Variants in TNIK observed in about 807,000 individuals in gnomAD.
The protein encoded by TNIK is TRAF2 and NCK interacting kinase.
A neutral mutation model predicts 191.3 loss-of-function variants in TNIK; 49 were observed. That is an observed-to-expected ratio of 0.26 (90% confidence interval 0.20 to 0.32). TNIK has a LOEUF of 0.32. Among genes scored for constraint, TNIK ranks in the 10% least tolerant of loss-of-function variants. The pLI is 1.00. For synonymous variants in TNIK, 594 were observed against 600.9 expected (o/e 0.99, Z 0.17); for missense variants, 1,155 against 1,702.3 (o/e 0.68, Z 5.66).
intron 22 of TNIK, among the ~76,000 whole-genome samples, chr3:171,100,327 T>C (rs1723290234): frequency 6.6e-6 from 1 of 152,320 alleles, no homozygotes; most frequent in Middle Eastern, 3.4e-3. Context: ...AACTGGGTCA[T>C]CAACAGCAAA....
intron 1 of TNIK, among the ~76,000 whole-genome samples, chr3:171,403,811 C>T (rs963614509): frequency 5.3e-5 from 8 of 152,144 alleles, no homozygotes; most frequent in Admixed American, 4.6e-4. Flanking sequence ...ATTTCTAAAC[C>T]ATGTGAAAGT....
At chr3:171,362,395 G>A (rs1471892784) in intron 2 of TNIK, among the ~76,000 whole-genome samples, 2 of 151,336 alleles carry the variant, frequency 1.3e-5, no homozygotes, top group Non-Finnish European at 1.5e-5. Flanking sequence ...TACTTTTAAT[G>A]GCAAAAACCA....
chr3:171,134,501 C>T (rs1056508695), intron 15 of TNIK, among the ~76,000 whole-genome samples: 3 of 152,150 alleles, frequency 2.0e-5, no homozygotes, highest in African/African-American at 7.2e-5. Context: ...AGGCTGGTCT[C>T]TAACTACTCC....
chr3:171,399,518 C>G (rs186088846), intron 1 of TNIK, among the ~76,000 whole-genome samples: 5 of 152,080 alleles, frequency 3.3e-5, no homozygotes, highest in Admixed American at 3.3e-4. Flanking sequence ...TATAAGAGTA[C>G]AAATAGGAAA....
chr3:171,167,850 CT>C (rs1207700360), intron 9 of TNIK, among the ~76,000 whole-genome samples: 3 of 152,156 alleles, frequency 2.0e-5, no homozygotes, highest in African/African-American at 4.8e-5. Context: ...ATGAAGTGAA[CT>C]TTGATTAGGC....
intron 1 of TNIK, among the ~76,000 whole-genome samples, chr3:171,381,778 T>C (rs1718059471): frequency 6.6e-6 from 1 of 152,216 alleles, no homozygotes; most frequent in Non-Finnish European, 1.5e-5. Flanking sequence ...GGAGCTGACT[T>C]AGCTGGGAGA....
At chr3:171,194,353 AC>A (rs1738404432) in intron 5 of TNIK, among the ~76,000 whole-genome samples, 171 bp downstream of exon 5, 1 of 152,154 alleles carries the variant, frequency 6.6e-6, no homozygotes, top group Non-Finnish European at 1.5e-5. Context: ...GCAGACCTTC[AC>A]ACCAAACTAC....
intron 2 of TNIK, among the ~76,000 whole-genome samples, chr3:171,290,955 C>CA (rs1161774452): frequency 1.3e-5 from 2 of 152,166 alleles, no homozygotes; most frequent in African/African-American, 4.8e-5. Context: ...TTACCCATAC[C>CA]ATAAACACTC....
intron 30 of TNIK, among the ~76,000 whole-genome samples, chr3:171,068,199 C>T (rs2108311004): frequency 6.6e-6 from 1 of 152,186 alleles, no homozygotes; most frequent in East Asian, 1.9e-4. Flanking sequence ...TATTTTAGGG[C>T]TAATAAGAAG....
intron 1 of TNIK, among the ~76,000 whole-genome samples, chr3:171,456,646 T>C (rs987786974): frequency 6.6e-6 from 1 of 152,084 alleles, no homozygotes; most frequent in African/African-American, 2.4e-5. Flanking sequence ...GCCTGCAGAG[T>C]AGGCATTGAA....
intron 13 of TNIK, 74 bp from the exon 14 acceptor site, chr3:171,139,630 A>AC: frequency 6.9e-7 from 1 of 1,444,536 alleles, no homozygotes; most frequent in South Asian, 1.1e-5. Flanking sequence ...TTCAAAGGCG[A>AC]CAAGAGCCGC....
chr3:171,161,130 G>T, intron 11 of TNIK, 140 bp downstream of exon 11: 1 of 708,768 alleles, frequency 1.4e-6, no homozygotes, highest in South Asian at 2.6e-5. Flanking sequence ...AAATTAATGA[G>T]TATGTTCATG....
intron 2 of TNIK, among the ~76,000 whole-genome samples, chr3:171,355,215 G>T (rs1296641724): frequency 6.6e-6 from 1 of 152,140 alleles, no homozygotes; most frequent in Non-Finnish European, 1.5e-5. Flanking sequence ...TGAAAGCTGG[G>T]GTTGCCTCAG....
intron 7 of TNIK, among the ~76,000 whole-genome samples, chr3:171,188,462 T>C (rs950523650): frequency 1.4e-4 from 21 of 152,192 alleles, no homozygotes; most frequent in African/African-American, 4.1e-4. Flanking sequence ...TAAAAAAATA[T>C]AGAAAATGAT....
At chr3:171,418,160 G>A (rs1227516059) in intron 1 of TNIK, among the ~76,000 whole-genome samples, 2 of 152,092 alleles carry the variant, frequency 1.3e-5, no homozygotes, top group Non-Finnish European at 2.9e-5. Context: ...ATTCCATCGA[G>A]TGTTCCTATG....
intron 7 of TNIK, among the ~76,000 whole-genome samples, chr3:171,184,755 T>C (rs2108812305): frequency 6.6e-6 from 1 of 152,312 alleles, no homozygotes; most frequent in Non-Finnish European, 1.5e-5. Context: ...AAACTCTTAC[T>C]TAGAAGAAGT....
At chr3:171,172,660 G>A (rs1735456683) in intron 9 of TNIK, among the ~76,000 whole-genome samples, 1 of 152,228 alleles carries the variant, frequency 6.6e-6, no homozygotes, top group Non-Finnish European at 1.5e-5. Flanking sequence ...GGATCGAAGT[G>A]TGAAATGGCA....
chr3:171,077,574 G>T (rs1720129628), intron 28 of TNIK, among the ~76,000 whole-genome samples: 1 of 152,126 alleles, frequency 6.6e-6, no homozygotes. Flanking sequence ...TTGGACTGAA[G>T]CATCAGCGTT....
intron 12 of TNIK, among the ~76,000 whole-genome samples, chr3:171,141,470 A>C (rs1730827275): frequency 6.6e-6 from 1 of 152,216 alleles, no homozygotes; most frequent in Admixed American, 6.5e-5. Flanking sequence ...TCAGGAAAGG[A>C]GAACATTTTA....
Sources: allele counts gnomAD v4.1 joint callset (sites outside exome capture counted in the v4.1 genomes callset), GRCh38; gene constraint gnomAD v4.1.1; transcripts MANE v1.5; gene names NCBI Gene and HGNC (gene_info 2026-07-23, HGNC 2026-07-21).